Variants in SUGCT observed in about 807,000 individuals in gnomAD.
SUGCT encodes succinyl-CoA:glutarate CoA-transferase.
SUGCT carries 41 observed loss-of-function variants against 55.0 expected under a neutral mutation model. The ratio of observed to expected loss-of-function variants is 0.74; its 90% confidence interval spans 0.58 to 0.97. SUGCT has a LOEUF of 0.97. Among genes scored for constraint, SUGCT ranks in the 50% least tolerant of loss-of-function variants. The pLI is 0.00. For missense variants in SUGCT, 568 were observed against 547.8 expected (o/e 1.04, Z -0.37); for synonymous variants, 187 against 200.4 (o/e 0.93, Z 0.56).
At chr7:40,361,402 GTC>G (rs1798146717) in intron 9 of SUGCT, among the ~76,000 whole-genome samples, 1 of 151,864 alleles carries the variant, frequency 6.6e-6, no homozygotes, top group Non-Finnish European at 1.5e-5. Flanking sequence ...GTGAACTCCT[GTC>G]TCTACTAAAA....
intron 12 of SUGCT, among the ~76,000 whole-genome samples, chr7:40,702,882 C>T (rs1584301714): frequency 6.6e-6 from 1 of 152,268 alleles, no homozygotes; most frequent in Non-Finnish European, 1.5e-5. Context: ...CTACGTAACT[C>T]TCAAATCAGC....
At chr7:40,466,036 C>T (rs1430518033) in intron 11 of SUGCT, among the ~76,000 whole-genome samples, 1 of 152,030 alleles carries the variant, frequency 6.6e-6, no homozygotes, top group Non-Finnish European at 1.5e-5. Flanking sequence ...TGCAAGCCAC[C>T]ATGCCTGCTT....
At chr7:40,929,222 C>G in the SUGCT span, among the ~76,000 whole-genome samples, 1 of 152,102 alleles carries the variant, frequency 6.6e-6, no homozygotes, top group Admixed American at 6.6e-5. Context: ...TGGTTTCCAG[C>G]TTCATCCATG....
chr7:40,550,079 G>T (rs1471478488), intron 12 of SUGCT, among the ~76,000 whole-genome samples: 2 of 152,184 alleles, frequency 1.3e-5, no homozygotes, highest in Non-Finnish European at 2.9e-5. Flanking sequence ...AGTGGTTTAG[G>T]ATATCAACAA....
At chr7:40,671,145 G>A (rs532604272) in intron 12 of SUGCT, among the ~76,000 whole-genome samples, 12 of 152,274 alleles carry the variant, frequency 7.9e-5, no homozygotes, top group African/African-American at 1.7e-4. Flanking sequence ...TGTGAAACCC[G>A]TATATCAATT....
At chr7:40,830,884 C>T (rs1425856247) in intron 13 of SUGCT, among the ~76,000 whole-genome samples, 1 of 152,118 alleles carries the variant, frequency 6.6e-6, no homozygotes, top group Non-Finnish European at 1.5e-5. Flanking sequence ...TAATCTTTCC[C>T]CTGTACCACC....
intron 9 of SUGCT, among the ~76,000 whole-genome samples, chr7:40,373,907 T>G (rs1355664104): frequency 6.6e-6 from 1 of 152,150 alleles, no homozygotes; most frequent in African/African-American, 2.4e-5. Flanking sequence ...ATGCCTATAT[T>G]AATTTTCTTT....
rs111276887 is a variant in SUGCT at position 40,454,834 on chromosome 7, C to G, written c.889-4267C>G. ...GAAAACTAAGGGAATTTGTAGCCAGCTGACTTCCTCTAAAATAATTTTTCC... is the reference window on the plus strand; with the variant it reads ...GAAAACTAAGGGAATTTGTAGCCAGGTGACTTCCTCTAAAATAATTTTTCC... On this transcript the variant is annotated intron_variant, in intron 10 of 13. Transcript: ENST00000335693. Among the ~76,000 whole-genome samples the G allele has an allele frequency of 1.8e-3, 267 of 152,248 alleles. 4 individuals carry two copies. Among genetic ancestry groups the G allele is most frequent in the African/African-American group, 6.3e-3 (260 of 41,546 alleles).
chr7:40,381,831 A>G (rs925150570), intron 9 of SUGCT, among the ~76,000 whole-genome samples: 3 of 152,166 alleles, frequency 2.0e-5, no homozygotes, highest in Admixed American at 6.6e-5. Context: ...TTTGGGATAC[A>G]TGAGCAAGTG....
chr7:40,802,233 A>G (rs1431316475), intron 13 of SUGCT, among the ~76,000 whole-genome samples: 1 of 152,088 alleles, frequency 6.6e-6, no homozygotes, highest in Non-Finnish European at 1.5e-5. Context: ...GCAAGAAACA[A>G]TGTCATAGGG....
chr7:40,632,049 G>A (rs938717286), intron 12 of SUGCT, among the ~76,000 whole-genome samples: 3 of 152,138 alleles, frequency 2.0e-5, no homozygotes, highest in African/African-American at 7.2e-5. Flanking sequence ...AGCGCCCCAG[G>A]AGCAGGATCT....
the SUGCT span, among the ~76,000 whole-genome samples, chr7:40,961,324 G>A: frequency 1.3e-5 from 2 of 152,132 alleles, no homozygotes; most frequent in Non-Finnish European, 2.9e-5. Context: ...TGCCTTCCTA[G>A]GAAGGAGAGA....
Position 40,343,149 on chromosome 7 carries a change from A to G in SUGCT, c.816+26294A>G, listed in dbSNP as rs117408887. ...GTCATACTCTTATACACACCTCTCT[A>G]TCAGCCTTCCACCGATAGCTTTATC... is the stretch of plus-strand genomic sequence containing the variant. On this transcript the variant is annotated intron_variant, in intron 9 of 13. Coordinates refer to ENST00000335693, the MANE Select transcript of SUGCT (RefSeq NM_001193313.2). Among the ~76,000 whole-genome samples the G allele has an allele frequency of 4.9e-4, 74 of 152,330 alleles. 1 individual carries two copies. The East Asian group carries it at 0.014, about 28-fold the overall frequency.
At chr7:40,463,245 A>G (rs1162895439) in intron 11 of SUGCT, among the ~76,000 whole-genome samples, 1 of 152,224 alleles carries the variant, frequency 6.6e-6, no homozygotes. Flanking sequence ...TGCACAGCAG[A>G]TAACTTTAAA....
chr7:40,380,468 C>T (rs569627718), intron 9 of SUGCT, among the ~76,000 whole-genome samples: 27 of 152,194 alleles, frequency 1.8e-4, no homozygotes, highest in South Asian at 1.0e-3. Flanking sequence ...GATGTCACTC[C>T]GGCATATGGC....
intron 13 of SUGCT, among the ~76,000 whole-genome samples, chr7:40,764,602 C>T (rs1283067380): frequency 6.6e-6 from 1 of 151,910 alleles, no homozygotes; most frequent in Admixed American, 6.5e-5. Flanking sequence ...GTGACTTAAA[C>T]AATTATTCTG....
At chr7:40,965,068 C>T in the SUGCT span, 1 of 152,184 alleles carries the variant, frequency 6.6e-6, no homozygotes, top group African/African-American at 2.4e-5. Context: ...AGGTTGTGCC[C>T]TTGGTTTCTA....
chr7:40,699,216 C>T (rs1359085708), intron 12 of SUGCT, among the ~76,000 whole-genome samples: 2 of 152,168 alleles, frequency 1.3e-5, no homozygotes, highest in Non-Finnish European at 2.9e-5. Flanking sequence ...AGATGGGGCT[C>T]CTGTGATGCT....
chr7:40,860,203 C>G (rs1584552308), intron 13 of SUGCT, 113 bp from the exon 14 acceptor site: 2 of 1,257,902 alleles, frequency 1.6e-6, no homozygotes, highest in East Asian at 4.7e-5. Context: ...AAGGGTGTAA[C>G]TGGCACTCAT....
Sources: gnomAD v4.1 joint callset for allele counts (sites outside exome capture counted in the v4.1 genomes callset) on GRCh38, gnomAD v4.1.1 for gene constraint, MANE v1.5 for transcripts, NCBI Gene and HGNC (gene_info 2026-07-23, HGNC 2026-07-21) for gene names.